BMPR1B: variants seen among roughly 807,000 people sequenced by gnomAD.
The protein encoded by BMPR1B is bone morphogenetic protein receptor type-1B.
BMPR1B carries 12 observed loss-of-function variants against 59.1 expected under a neutral mutation model. The ratio of observed to expected loss-of-function variants is 0.20; its 90% confidence interval spans 0.13 to 0.33. The LOEUF (loss-of-function observed/expected upper bound fraction) is 0.33. Ranked by LOEUF, BMPR1B falls within the 10% of genes least tolerant of loss-of-function variation. The pLI is 1.00. For missense variants in BMPR1B, 550 were observed against 610.9 expected (o/e 0.90, Z 1.05); for synonymous variants, 237 against 207.3 (o/e 1.14, Z -1.23).
At chr4:95,036,961 T>C (rs949882244) in intron 3 of BMPR1B, among the ~76,000 whole-genome samples, 5 of 152,168 alleles carry the variant, frequency 3.3e-5, no homozygotes, top group Non-Finnish European at 7.4e-5. Context: ...CTGGTGCTGC[T>C]GTTGCCTTTC....
At chr4:94,818,293 G>A (rs572862622) in intron 1 of BMPR1B, among the ~76,000 whole-genome samples, 3 of 151,936 alleles carry the variant, frequency 2.0e-5, no homozygotes, top group South Asian at 4.2e-4. Context: ...TTTGTATCAG[G>A]GGCTCTACTA....
chr4:94,853,988 A>G (rs962638804), intron 1 of BMPR1B, among the ~76,000 whole-genome samples: 1 of 152,174 alleles, frequency 6.6e-6, no homozygotes, highest in African/African-American at 2.4e-5. Context: ...TGGTGATCAG[A>G]GTACTTAACC....
intron 1 of BMPR1B, among the ~76,000 whole-genome samples, chr4:94,776,890 T>C (rs1722390609): frequency 6.6e-6 from 1 of 152,222 alleles, no homozygotes; most frequent in Admixed American, 6.5e-5. Flanking sequence ...CATTTTGATA[T>C]ATTTCCTTTA....
intron 3 of BMPR1B, among the ~76,000 whole-genome samples, chr4:95,057,347 T>C (rs1170727754): frequency 6.6e-6 from 1 of 151,892 alleles, no homozygotes; most frequent in Non-Finnish European, 1.5e-5. Flanking sequence ...CGAGTTCAAG[T>C]GATTCTCCTG....
intron 2 of BMPR1B, among the ~76,000 whole-genome samples, chr4:94,982,916 C>T (rs554233322): frequency 1.1e-3 from 159 of 151,068 alleles, no homozygotes; most frequent in African/African-American, 3.5e-3. Context: ...ACCCGGGAGG[C>T]GGAGATTGTC....
intron 2 of BMPR1B, among the ~76,000 whole-genome samples, chr4:94,941,757 A>G (rs1729523286): frequency 6.6e-6 from 1 of 152,096 alleles, no homozygotes; most frequent in African/African-American, 2.4e-5. Context: ...CCGTAATCTA[A>G]TTCTAATTTG....
chr4:94,812,299 A>ATT (rs1254732676), intron 1 of BMPR1B, among the ~76,000 whole-genome samples: 2 of 152,188 alleles, frequency 1.3e-5, no homozygotes, highest in Non-Finnish European at 2.9e-5. Flanking sequence ...AATATAACAT[A>ATT]TCCACTTGGC....
At position 94,902,063 on chromosome 4, in the gene BMPR1B, G is replaced by GTGTGTGTGTGTGTGTT. The variant is rs1467407110; in HGVS notation, c.-113+26178_-113+26179insTTGTGTGTGTGTGTGT. Among the ~76,000 whole-genome samples, 406 of 112,970 alleles carry GTGTGTGTGTGTGTGTT rather than the reference G, an allele frequency of 3.6e-3. 2 individuals are homozygous for GTGTGTGTGTGTGTGTT. The highest frequency in any genetic ancestry group is 0.012 in the Middle Eastern group (3 of 248). 74.1% of individuals were successfully genotyped at this position (112,970 alleles called of 152,430 possible). ...GACTGCATGGTGTGTGTGTGTGTGT[G>GTGTGTGTGTGTGTGTT]TGTGTGTGTGTGTGTGTGTGTGTGG... On this transcript the variant is annotated intron_variant, in intron 2 of 12. Transcript: ENST00000515059.
rs142363982 is a variant in BMPR1B at position 94,926,886 on chromosome 4, G to A, written c.-113+50986G>A. ...TTTACAAAAATGTGTAATTTAAACT[G>A]TCTCATTTTATTTTGAAAACTTATT... On this transcript the variant is annotated intron_variant, in intron 2 of 12. Transcript: ENST00000515059. Among the ~76,000 whole-genome samples, 60 of 152,174 alleles carry A rather than the reference G, an allele frequency of 3.9e-4. 1 individual carries two copies. In the East Asian group the frequency reaches 0.012, roughly 29 times the overall value.
intron 1 of BMPR1B, among the ~76,000 whole-genome samples, chr4:94,843,401 T>A (rs1251296258): frequency 6.6e-6 from 1 of 152,198 alleles, no homozygotes; most frequent in Non-Finnish European, 1.5e-5. Context: ...AGCTCACATC[T>A]GTGCTGTACC....
At chr4:95,135,648 A>C (rs892806128) in intron 10 of BMPR1B, among the ~76,000 whole-genome samples, 8 of 152,134 alleles carry the variant, frequency 5.3e-5, no homozygotes, top group Non-Finnish European at 1.0e-4. Context: ...TTCACTCATG[A>C]TTTGGCTCTC....
At chr4:94,833,788 T>C (rs1244205324) in intron 1 of BMPR1B, among the ~76,000 whole-genome samples, 1 of 152,166 alleles carries the variant, frequency 6.6e-6, no homozygotes, top group African/African-American at 2.4e-5. Context: ...GGATAAATAT[T>C]TCGTGGGTGT....
intron 4 of BMPR1B, among the ~76,000 whole-genome samples, chr4:95,112,910 G>A (rs1379549568): frequency 6.6e-6 from 1 of 151,980 alleles, no homozygotes; most frequent in Non-Finnish European, 1.5e-5. Context: ...CCATGATAAG[G>A]AGAAATTAGT....
At chr4:95,126,826 A>G (rs1245480275) in intron 8 of BMPR1B, among the ~76,000 whole-genome samples, 1 of 152,180 alleles carries the variant, frequency 6.6e-6, no homozygotes, top group Non-Finnish European at 1.5e-5. Context: ...ATATATTGAT[A>G]TGTGAGTGAA....
intron 1 of BMPR1B, among the ~76,000 whole-genome samples, 161 bp from the exon 2 acceptor site, chr4:94,875,670 C>T (rs564231999): frequency 6.6e-6 from 1 of 152,134 alleles, no homozygotes; most frequent in African/African-American, 2.4e-5. Flanking sequence ...GGCGATGGAG[C>T]GAGACTCCAT....
chr4:94,777,913 C>T (rs1722439939), intron 1 of BMPR1B, among the ~76,000 whole-genome samples: 1 of 151,948 alleles, frequency 6.6e-6, no homozygotes, highest in South Asian at 2.1e-4. Context: ...GTAATCCCAG[C>T]TACTGGAGAG....
chr4:94,902,070 TGTGTGTGTGTGTGTGTGG>T (rs1412897533), intron 2 of BMPR1B, among the ~76,000 whole-genome samples: 2 of 148,990 alleles, frequency 1.3e-5, no homozygotes, highest in African/African-American at 2.5e-5. Context: ...TGTGTGTGTG[TGTGTGTGTGTGTGTGTGG>T]GGTGTATTTA....
At chr4:94,990,444 A>G (rs914286569) in intron 2 of BMPR1B, among the ~76,000 whole-genome samples, 11 of 152,356 alleles carry the variant, frequency 7.2e-5, no homozygotes, top group Admixed American at 2.6e-4. Context: ...AAACCAACCC[A>G]AATGTTCATT....
intron 10 of BMPR1B, among the ~76,000 whole-genome samples, chr4:95,137,187 A>T (rs536858941): frequency 1.4e-4 from 22 of 152,294 alleles, no homozygotes; most frequent in African/African-American, 4.8e-4. Flanking sequence ...GTCATTCAGG[A>T]GCAGGTTCAG....
Sources: allele counts gnomAD v4.1 joint callset (sites outside exome capture counted in the v4.1 genomes callset), GRCh38; gene constraint gnomAD v4.1.1; transcripts MANE v1.5; gene names NCBI Gene and HGNC (gene_info 2026-07-23, HGNC 2026-07-21).